Variants in IKZF3 observed in about 807,000 individuals in gnomAD.
IKZF3 encodes zinc finger protein Aiolos.
IKZF3 carries 10 observed loss-of-function variants against 49.0 expected under a neutral mutation model. The ratio of observed to expected loss-of-function variants is 0.20; its 90% CI spans 0.13 to 0.35. The LOEUF is 0.35. IKZF3 is among the 10% of genes least tolerant of loss of function. The probability of loss-of-function intolerance (pLI) is 1.00; values close to 1 mark genes in which losing one functional copy is unlikely to be tolerated. For synonymous variants in IKZF3, 209 were observed against 228.2 expected (o/e 0.92, Z 0.76); for missense variants, 498 against 664.8 (o/e 0.75, Z 2.76).
chr17:39,802,290 T>C (rs927990385), intron 3 of IKZF3, among the ~76,000 whole-genome samples: 1 of 149,428 alleles, frequency 6.7e-6, no homozygotes, highest in Non-Finnish European at 1.5e-5. Context: ...TGGATAAAAT[T>C]CTATAGATTT....
chr17:39,777,215 T>C (rs113370572), intron 7 of IKZF3, among the ~76,000 whole-genome samples: 3,637 of 152,318 alleles, frequency 0.024, 62 homozygotes, highest in Non-Finnish European at 0.037. Context: ...AATTCTCAAA[T>C]TCAAGAAAAT....
intron 6 of IKZF3, among the ~76,000 whole-genome samples, chr17:39,783,465 G>A (rs560664714): frequency 6.6e-6 from 1 of 152,108 alleles, no homozygotes; most frequent in East Asian, 1.9e-4. Flanking sequence ...GGGACTATCA[G>A]TGCATGCTAT....
Position 39,763,655 on chromosome 17 carries a change from T to A in IKZF3, c.*2135A>T, listed in dbSNP as rs899792745. 2 of 152,204 alleles carry A rather than the reference T, an allele frequency of 1.3e-5. No individual in the cohort carries two copies. Among genetic ancestry groups the A allele is most frequent in the Admixed American group, 6.5e-5 (1 of 15,280 alleles). 9.4% of individuals were successfully genotyped at this position (152,204 alleles called of 1,614,324 possible). ...GGAAAAACTTAACACACCATTTTCA[T>A]ACCAAAGGAATGTGAAACATGTATT... On this transcript the variant is annotated 3_prime_UTR_variant, in exon 8 of 8. Coordinates refer to ENST00000346872, the MANE Select transcript of IKZF3 (RefSeq NM_012481.5).
At chr17:39,863,968 G>A in intron 1 of IKZF3, 152 bp downstream of exon 1, 2 of 1,016,216 alleles carry the variant, frequency 2.0e-6, no homozygotes, top group South Asian at 1.3e-5. Flanking sequence ...TAAGAGAACC[G>A]ACGCGCTTTG....
intron 1 of IKZF3, among the ~76,000 whole-genome samples, chr17:39,854,626 A>G (rs1487430243): frequency 6.6e-6 from 1 of 152,150 alleles, no homozygotes; most frequent in African/African-American, 2.4e-5. Flanking sequence ...CCTAAAGGAG[A>G]TGGCATTTAG....
At position 39,790,661 on chromosome 17, in the gene IKZF3, G is replaced by GA. The variant is rs1333582708; in HGVS notation, c.592+754dup. ...TTCTAGGACGGAAATTCTAAATCTT[G>GA]AAAAAAAAGTATTATCTTGGTCAAA... On this transcript the variant is annotated intron_variant, in intron 5 of 7. Coordinates refer to ENST00000346872, the MANE Select transcript of IKZF3 (RefSeq NM_012481.5). Among the ~76,000 whole-genome samples the GA allele has an allele frequency of 5.3e-5, 8 of 151,478 alleles. No individual in the cohort carries two copies. The South Asian group carries it at 1.5e-3, about 28-fold the overall frequency.
intron 1 of IKZF3, among the ~76,000 whole-genome samples, chr17:39,850,871 AC>A (rs1397411684): frequency 6.8e-5 from 9 of 131,446 alleles, no homozygotes; most frequent in Admixed American, 2.5e-4. Context: ...TAGTATATAT[AC>A]ATATATAATA....
At chr17:39,850,395 TGTATGTATATATAATATATA>T in intron 1 of IKZF3, among the ~76,000 whole-genome samples, 1 of 134,078 alleles carries the variant, frequency 7.5e-6, no homozygotes, top group African/African-American at 2.8e-5. Context: ...TATAGCATAT[TGTATGTATATATAATATATA>T]GCATATTGTA....
intron 1 of IKZF3, among the ~76,000 whole-genome samples, chr17:39,846,314 T>C (rs571564583): frequency 9.8e-5 from 15 of 152,292 alleles, no homozygotes; most frequent in African/African-American, 3.6e-4. Flanking sequence ...TAGCTACTCA[T>C]AGCCATTCTA....
At chr17:39,849,076 T>C (rs1468256599) in intron 1 of IKZF3, among the ~76,000 whole-genome samples, 2 of 152,242 alleles carry the variant, frequency 1.3e-5, no homozygotes, top group African/African-American at 2.4e-5. Flanking sequence ...ATTCATCAAA[T>C]AGATTAAGAA....
chr17:39,759,384 A>G lies in IKZF3; in HGVS notation c.*6406T>C, dbSNP rs964471067. 5 of 152,144 alleles carry G rather than the reference A, an allele frequency of 3.3e-5. No individual in the cohort carries two copies. Among genetic ancestry groups the G allele is most frequent in the African/African-American group, 1.2e-4 (5 of 41,426 alleles). The allele number at this position is 152,144 out of a possible 1,614,324, so 9.4% of individuals were successfully genotyped here. On this transcript the variant is annotated 3_prime_UTR_variant, in exon 8 of 8. Coordinates refer to ENST00000346872, the MANE Select transcript of IKZF3 (RefSeq NM_012481.5). ...GCGGCAAGTAAGCCTTGATTGTGCC[A>G]CTGCACTCAGCCTGGGGAAACAGAG...
At chr17:39,813,762 C>T (rs2061616178) in intron 3 of IKZF3, among the ~76,000 whole-genome samples, 1 of 152,224 alleles carries the variant, frequency 6.6e-6, no homozygotes, top group Non-Finnish European at 1.5e-5. Context: ...TGTGAGTGAA[C>T]TTCTGCAGCA....
chr17:39,776,005 C>T (rs2143695903), intron 7 of IKZF3, among the ~76,000 whole-genome samples: 1 of 152,256 alleles, frequency 6.6e-6, no homozygotes, highest in Middle Eastern at 3.4e-3. Flanking sequence ...TATGATGTCC[C>T]TCCTCTTGTC....
chr17:39,864,043 G>T, intron 1 of IKZF3, 77 bp downstream of exon 1: 1 of 1,574,294 alleles, frequency 6.4e-7, no homozygotes, highest in South Asian at 1.1e-5. Context: ...CTGAGATTCA[G>T]AAGAAACTCT....
At chr17:39,850,970 T>C (rs1301959718) in intron 1 of IKZF3, among the ~76,000 whole-genome samples, 2 of 141,616 alleles carry the variant, frequency 1.4e-5, no homozygotes, top group South Asian at 2.1e-4. Flanking sequence ...ATTATATACG[T>C]GTATATATTA....
At chr17:39,859,585 T>C (rs1405368284) in intron 1 of IKZF3, among the ~76,000 whole-genome samples, 1 of 150,856 alleles carries the variant, frequency 6.6e-6, no homozygotes, top group Non-Finnish European at 1.5e-5. Flanking sequence ...GTCAGGGTTT[T>C]ACCATGTTGC....
chr17:39,780,441 G>A, intron 6 of IKZF3, among the ~76,000 whole-genome samples: 1 of 152,032 alleles, frequency 6.6e-6, no homozygotes, highest in East Asian at 1.9e-4. Context: ...ACAGCTCACT[G>A]CAGGCTCAAC....
At chr17:39,810,646 T>C (rs756359520) in intron 3 of IKZF3, among the ~76,000 whole-genome samples, 3 of 150,308 alleles carry the variant, frequency 2.0e-5, no homozygotes, top group South Asian at 4.2e-4. Context: ...CAATAAAATA[T>C]AGTTACTTTT....
At position 39,766,011 on chromosome 17, in the gene IKZF3, C is replaced by G. The variant is rs1392121660; in HGVS notation, c.1309G>C (p.Asp437His). ...LLKPPPICPR[D>H]SVKVINKEGE... is the part of the protein sequence containing the mutation. ...TCCTTGTTGATCACTTTGACGGAGT[C>G]TCTTGGGCAGATGGGCGGGGGCTTG... is the stretch of plus-strand genomic sequence containing the variant. The change falls in exon 8 of 8, where the codon GAC (aspartate) becomes CAC (histidine). Residue 437 changes from aspartate to histidine, a missense_variant. This residue lies in a region of IKZF3 where 317 missense variants were observed against 397.3 expected (regional missense o/e 0.80). Transcript: ENST00000346872. The G allele has an allele frequency of 1.2e-6, 2 of 1,614,086 alleles. No homozygotes were observed. The highest frequency in any genetic ancestry group is 1.7e-6 in the Non-Finnish European group (2 of 1,180,038).
Sources: gnomAD v4.1 joint callset for allele counts (sites outside exome capture counted in the v4.1 genomes callset) on GRCh38, gnomAD v4.1.1 for gene constraint, gnomAD v4.1.1 regional missense constraint, MANE v1.5 for transcripts, NCBI Gene and HGNC (gene_info 2026-07-23, HGNC 2026-07-21) for gene names.